RBFOX1: variants seen among roughly 807,000 people sequenced by gnomAD.
RBFOX1 encodes the protein RNA binding protein fox-1 homolog 1.
RBFOX1 carries 8 observed loss-of-function variants against 57.7 expected under a neutral mutation model. That is an observed-to-expected ratio of 0.14 (90% CI 0.08 to 0.25). RBFOX1 has a LOEUF of 0.25. RBFOX1 is among the 10% of genes least tolerant of loss of function. The pLI, the probability that RBFOX1 is intolerant of heterozygous loss-of-function variation, is 1.00. For synonymous variants in RBFOX1, 326 were observed against 222.4 expected (o/e 1.47, Z -4.15); for missense variants, 611 against 548.5 (o/e 1.11, Z -1.14).
intron 4 of RBFOX1, among the ~76,000 whole-genome samples, chr16:7,229,096 C>G (rs994439830): frequency 6.6e-6 from 1 of 152,086 alleles, no homozygotes; most frequent in Non-Finnish European, 1.5e-5. Flanking sequence ...AAGAAGGGAG[C>G]ACTCTGAAAG....
chr16:7,211,772 A>T (rs1186753797), intron 4 of RBFOX1, among the ~76,000 whole-genome samples: 1 of 152,152 alleles, frequency 6.6e-6, no homozygotes, highest in Non-Finnish European at 1.5e-5. Flanking sequence ...GGGGGATTCA[A>T]GCCCCCTGTC....
At chr16:6,411,463 G>A (rs1411939896) in intron 2 of RBFOX1, among the ~76,000 whole-genome samples, 2 of 152,104 alleles carry the variant, frequency 1.3e-5, no homozygotes, top group Admixed American at 1.3e-4. Flanking sequence ...TTTAGGTCTG[G>A]TGATAATTTC....
chr16:7,145,031 G>C (rs2074649843), intron 4 of RBFOX1, among the ~76,000 whole-genome samples: 1 of 152,044 alleles, frequency 6.6e-6, no homozygotes, highest in African/African-American at 2.4e-5. Flanking sequence ...GTTTTGTTCT[G>C]GGCAAATCCT....
intron 1 of RBFOX1, among the ~76,000 whole-genome samples, chr16:6,082,944 G>T (rs1475975278): frequency 6.6e-6 from 1 of 152,132 alleles, no homozygotes; most frequent in Non-Finnish European, 1.5e-5. Context: ...CTGCTCTCAA[G>T]AGGGTCGTGC....
chr16:7,676,859 G>C, intron 14 of RBFOX1, 21 bp downstream of exon 14: 3 of 1,594,098 alleles, frequency 1.9e-6, no homozygotes, highest in Non-Finnish European at 2.6e-6. Flanking sequence ...TCCTTCTTGT[G>C]CTTGACAACT....
chr16:6,230,941 G>A (rs944419425), intron 1 of RBFOX1, among the ~76,000 whole-genome samples: 6 of 152,170 alleles, frequency 3.9e-5, no homozygotes, highest in Admixed American at 3.3e-4. Flanking sequence ...TGAAGTAGAT[G>A]TAGCCCTCTG....
At chr16:7,160,077 A>C (rs1036554286) in intron 4 of RBFOX1, among the ~76,000 whole-genome samples, 5 of 152,206 alleles carry the variant, frequency 3.3e-5, no homozygotes, top group African/African-American at 1.2e-4. Flanking sequence ...CAAGGGACTC[A>C]TAACAGTATT....
At chr16:6,802,846 C>G (rs1008898405) in intron 3 of RBFOX1, among the ~76,000 whole-genome samples, 2 of 152,194 alleles carry the variant, frequency 1.3e-5, no homozygotes, top group African/African-American at 4.8e-5. Flanking sequence ...ATTTTATAAA[C>G]TAACTTAAGT....
intron 4 of RBFOX1, among the ~76,000 whole-genome samples, chr16:6,008,935 A>G (rs1442759369): frequency 1.3e-5 from 2 of 152,334 alleles, no homozygotes; most frequent in African/African-American, 2.4e-5. Context: ...GAGAAATCAA[A>G]TAGACGGATG....
At position 5,772,040 on chromosome 16, in the gene RBFOX1, C is replaced by T. The variant is rs1206897690; in HGVS notation, c.319-95263C>T. 2.6e-5 allele frequency among the ~76,000 whole-genome samples: 4 copies of T among 152,080 alleles called. No individual in the cohort carries two copies. The East Asian group carries it at 5.8e-4, about 22-fold the overall frequency. ...TACAAAAGTTAGCTGAGTGTGGCAG[C>T]ACATGCCTGTAATCCCAGCTATTCA... is the stretch of plus-strand genomic sequence containing the variant. On this transcript the variant is annotated intron_variant, in intron 3 of 19. Transcript: ENST00000641259.
chr16:7,427,488 G>A (rs951963546), intron 4 of RBFOX1, among the ~76,000 whole-genome samples: 2 of 151,986 alleles, frequency 1.3e-5, no homozygotes, highest in Non-Finnish European at 1.5e-5. Context: ...ACTGTGTGTA[G>A]CTCTCCCAGT....
intron 2 of RBFOX1, among the ~76,000 whole-genome samples, chr16:6,608,105 A>T (rs1307911548): frequency 1.3e-5 from 2 of 152,146 alleles, no homozygotes; most frequent in Non-Finnish European, 2.9e-5. Context: ...TAGCACCTGA[A>T]ACAACGGGTT....
chr16:7,344,586 T>G (rs897850500), intron 4 of RBFOX1, among the ~76,000 whole-genome samples: 1 of 151,588 alleles, frequency 6.6e-6, no homozygotes, highest in African/African-American at 2.4e-5. Context: ...ATATAAATGA[T>G]AATAATAATT....
At chr16:7,303,811 T>A (rs1027379644) in intron 4 of RBFOX1, among the ~76,000 whole-genome samples, 3 of 149,468 alleles carry the variant, frequency 2.0e-5, no homozygotes, top group Non-Finnish European at 4.5e-5. Context: ...TCTTCCTCTC[T>A]CCCTCTCTAC....
At chr16:7,698,988 T>G (rs1012307389) in intron 14 of RBFOX1, among the ~76,000 whole-genome samples, 1 of 152,174 alleles carries the variant, frequency 6.6e-6, no homozygotes, top group African/African-American at 2.4e-5. Context: ...GAATGGTGGT[T>G]ATCAAATTCT....
At chr16:5,698,123 G>C (rs1337153169) in intron 3 of RBFOX1, among the ~76,000 whole-genome samples, 1 of 152,116 alleles carries the variant, frequency 6.6e-6, no homozygotes, top group African/African-American at 2.4e-5. Context: ...AGACTCTGAT[G>C]AATCCCATTG....
intron 4 of RBFOX1, among the ~76,000 whole-genome samples, chr16:7,289,365 C>G (rs573959354): frequency 6.6e-6 from 1 of 151,924 alleles, no homozygotes; most frequent in African/African-American, 2.4e-5. Flanking sequence ...TGTTTACAAT[C>G]AACAGTAGCC....
chr16:7,437,258 C>A (rs200840308), intron 4 of RBFOX1, among the ~76,000 whole-genome samples: 3 of 150,684 alleles, frequency 2.0e-5, no homozygotes, highest in South Asian at 4.2e-4. Context: ...TTGCCCCCCC[C>A]CCCTTTCTGT....
intron 5 of RBFOX1, among the ~76,000 whole-genome samples, chr16:7,568,758 G>A (rs2092418323): frequency 6.6e-6 from 1 of 151,712 alleles, no homozygotes; most frequent in African/African-American, 2.4e-5. Context: ...ATGGTGGCGG[G>A]CACTTGTAGT....
Sources: gnomAD v4.1 joint callset for allele counts (sites outside exome capture counted in the v4.1 genomes callset) on GRCh38, gnomAD v4.1.1 for gene constraint, MANE v1.5 for transcripts, NCBI Gene and HGNC (gene_info 2026-07-23, HGNC 2026-07-21) for gene names.